Variants in LRRC1 observed in about 807,000 individuals in gnomAD.
LRRC1 encodes leucine rich repeat containing 1.
In LRRC1, 28 loss-of-function variants were observed where a neutral mutation model predicts 69.9. That is an observed-to-expected ratio of 0.40 (90% CI 0.30 to 0.55). The LOEUF (loss-of-function observed/expected upper bound fraction) is 0.55. Among genes scored for constraint, LRRC1 ranks in the 20% least tolerant of loss-of-function variants. The pLI, the probability that LRRC1 is intolerant of heterozygous loss-of-function variation, is 0.47. For synonymous variants in LRRC1, 236 were observed against 240.2 expected (o/e 0.98, Z 0.16); for missense variants, 498 against 609.0 (o/e 0.82, Z 1.92).
Position 53,800,397 on chromosome 6 carries a change from G to A in LRRC1, c.159+4982G>A, listed in dbSNP as rs559538428. The stretch of plus-strand genomic sequence containing the variant: ...TCTCGAGTAAGCTGGGATTACAGGC[G>A]CACACCACCACGCCCAGCTAATTTT... On this transcript the variant is annotated intron_variant, in intron 1 of 13. Transcript: ENST00000370888. Among the ~76,000 whole-genome samples the A allele has an allele frequency of 1.1e-4, 17 of 151,462 alleles. No homozygotes were observed. In the South Asian group the frequency reaches 3.4e-3, roughly 30 times the overall value.
At chr6:53,909,543 G>A (rs1768345159) in intron 10 of LRRC1, among the ~76,000 whole-genome samples, 1 of 151,404 alleles carries the variant, frequency 6.6e-6, no homozygotes, top group Non-Finnish European at 1.5e-5. Flanking sequence ...TTTTCATTGT[G>A]CTTTCCTGTG....
rs768708541 is a variant in LRRC1 at position 53,896,838 on chromosome 6, C to T, written c.513C>T (p.Thr171=). 8.1e-6 allele frequency: 13 copies of T among 1,599,404 alleles called. No individual in the cohort carries two copies. The highest frequency in any genetic ancestry group is 3.3e-5 in the Admixed American group (2 of 59,836). Residue 171 remains threonine, a synonymous_variant, in exon 6 of 14, where the codon ACC becomes ACT. Coordinates refer to ENST00000370888, the MANE Select transcript of LRRC1 (RefSeq NM_018214.5). ...NLLTYLPDSL[T]QLRRLEELDL... ...TTATTTTTTAAAATAGCTCTCTTAC[C>T]CAGCTGCGAAGACTAGAAGAACTTG...
intron 4 of LRRC1, among the ~76,000 whole-genome samples, chr6:53,886,744 A>G (rs533354903): frequency 7.2e-5 from 11 of 152,194 alleles, no homozygotes; most frequent in Non-Finnish European, 1.5e-4. Flanking sequence ...TTGAAATTTT[A>G]CATCTTTCAT....
chr6:53,858,741 C>CA (rs1766401204), intron 2 of LRRC1, among the ~76,000 whole-genome samples: 1 of 152,094 alleles, frequency 6.6e-6, no homozygotes, highest in Admixed American at 6.6e-5. Flanking sequence ...TGCTGTGTGA[C>CA]AAGGTATGGG....
intron 2 of LRRC1, among the ~76,000 whole-genome samples, chr6:53,862,975 C>T (rs1476578847): frequency 6.6e-6 from 1 of 152,188 alleles, no homozygotes; most frequent in Admixed American, 6.5e-5. Context: ...TTCAAACTGT[C>T]TTAATCAGCC....
At chr6:53,893,135 G>T (rs1297941085) in intron 4 of LRRC1, among the ~76,000 whole-genome samples, 1 of 152,176 alleles carries the variant, frequency 6.6e-6, no homozygotes, top group Admixed American at 6.5e-5. Flanking sequence ...CATTTGTAAG[G>T]TACCTAGCTG....
chr6:53,821,960 T>C (rs936005736), intron 1 of LRRC1, among the ~76,000 whole-genome samples: 6 of 152,074 alleles, frequency 3.9e-5, no homozygotes, highest in Non-Finnish European at 5.9e-5. Flanking sequence ...TTTTGATTTT[T>C]GAATGGTATC....
chr6:53,893,432 T>A (rs546629312), intron 4 of LRRC1, among the ~76,000 whole-genome samples: 1 of 152,258 alleles, frequency 6.6e-6, no homozygotes, highest in South Asian at 2.1e-4. Flanking sequence ...CAAGTTTCTT[T>A]ATTTTAAATA....
intron 1 of LRRC1, among the ~76,000 whole-genome samples, chr6:53,813,545 T>TTG (rs1172903250): frequency 6.9e-6 from 1 of 145,466 alleles, no homozygotes; most frequent in African/African-American, 2.8e-5. Context: ...GGTTTTTTTT[T>TTG]TTTTCTTTTT....
chr6:53,922,283 T>C (rs556611031), intron 13 of LRRC1, among the ~76,000 whole-genome samples: 1 of 152,322 alleles, frequency 6.6e-6, no homozygotes, highest in East Asian at 1.9e-4. Flanking sequence ...TACTCTTTTA[T>C]CTTTTTCTTT....
rs185706447 is a variant in LRRC1 at position 53,910,957 on chromosome 6, A to C, written c.991-2897A>C. On this transcript the variant is annotated intron_variant, in intron 10 of 13. Coordinates refer to ENST00000370888, the MANE Select transcript of LRRC1 (RefSeq NM_018214.5). ...TGGAAAGAGGGCTGTGTTTATGTGA[A>C]TGTTCGCTGGGACAGCATGTGCCTT... Among the ~76,000 whole-genome samples, 3 of 152,378 alleles carry C rather than the reference A, an allele frequency of 2.0e-5. No homozygotes were observed. The East Asian group carries it at 5.8e-4, about 29-fold the overall frequency.
At chr6:53,860,893 G>C (rs1055323817) in intron 2 of LRRC1, among the ~76,000 whole-genome samples, 3 of 152,162 alleles carry the variant, frequency 2.0e-5, no homozygotes, top group African/African-American at 7.2e-5. Flanking sequence ...AACATGGACG[G>C]AGCTGGAGGC....
intron 2 of LRRC1, among the ~76,000 whole-genome samples, chr6:53,851,173 G>GACACACAC (rs3222575): frequency 0.13 from 19,249 of 144,576 alleles, 1,386 homozygotes; most frequent in Middle Eastern, 0.19. Context: ...GAACTAATAG[G>GACACACAC]ACACACACAC....
intron 1 of LRRC1, among the ~76,000 whole-genome samples, chr6:53,816,632 A>G (rs1017521267): frequency 5.9e-5 from 9 of 152,200 alleles, no homozygotes; most frequent in African/African-American, 2.2e-4. Flanking sequence ...ATCAGAATAT[A>G]TAAATCACAG....
chr6:53,900,039 T>TG lies in LRRC1; in HGVS notation c.787+148_787+149insG, dbSNP rs1562066484. 6.9e-5 allele frequency: 48 copies of TG among 698,994 alleles called. No individual in the cohort carries two copies. In the African/African-American group the frequency reaches 1.0e-3, roughly 15 times the overall value. The allele number at this position is 698,994 out of a possible 1,614,324, so 43.3% of individuals were successfully genotyped here. A position where few individuals can be genotyped will look rare whatever the true frequency, so the allele number is the denominator to read the frequency against. On this transcript the variant is annotated intron_variant, in intron 8 of 13. Transcript: ENST00000370888. ...CTTACTGTTTTTTTTTTTTTTTTTT[T>TG]TTTTTTTTTTTTTTCTGAGATGGAG...
intron 1 of LRRC1, among the ~76,000 whole-genome samples, chr6:53,797,105 G>A (rs891319344): frequency 2.0e-5 from 3 of 151,842 alleles, no homozygotes; most frequent in African/African-American, 7.3e-5. Flanking sequence ...CCTTCTGCAG[G>A]GTTTGTGGGT....
chr6:53,878,899 T>G (rs1767166476), intron 2 of LRRC1, 94 bp from the exon 3 acceptor site: 3 of 690,834 alleles, frequency 4.3e-6, no homozygotes, highest in Non-Finnish European at 7.6e-6. Flanking sequence ...GGTAGGAATT[T>G]CCAGATATTC....
rs770538293 is a variant in LRRC1 at position 53,873,364 on chromosome 6, T to TCG, written c.278-5627_278-5626dup. Among the ~76,000 whole-genome samples the TCG allele has an allele frequency of 7.2e-4, 109 of 151,504 alleles. 2 individuals carry two copies. In the Middle Eastern group the frequency reaches 0.01, roughly 14 times the overall value. On this transcript the variant is annotated intron_variant, in intron 2 of 13. Transcript: ENST00000370888. ...TACTGTGCAGTGGTGCGATCTGGGCTCGCTACAAGCTCCGCCTCCTGGGTT... is the reference window on the plus strand; with the variant it reads ...TACTGTGCAGTGGTGCGATCTGGGCTCGCGCTACAAGCTCCGCCTCCTGGGTT...
intron 13 of LRRC1, among the ~76,000 whole-genome samples, chr6:53,921,263 C>T (rs2294790): frequency 0.2 from 30,056 of 152,144 alleles, 3,418 homozygotes; most frequent in East Asian, 0.49. Context: ...CCACTGTGCC[C>T]GGCCTGTTAT....
Sources: allele counts gnomAD v4.1 joint callset (sites outside exome capture counted in the v4.1 genomes callset), GRCh38; gene constraint gnomAD v4.1.1; transcripts MANE v1.5; gene names NCBI Gene and HGNC (gene_info 2026-07-23, HGNC 2026-07-21).